Variants in SDK1 observed in about 807,000 individuals in gnomAD.
SDK1 encodes protein sidekick-1.
A neutral mutation model predicts 245.5 loss-of-function variants in SDK1; 157 were observed. That is an observed-to-expected ratio of 0.64 (90% CI 0.56 to 0.73). The LOEUF is 0.73. Ranked by LOEUF, SDK1 falls within the 30% of genes least tolerant of loss-of-function variation. The pLI is 0.00. For missense variants in SDK1, 3,583 were observed against 3,002.3 expected (o/e 1.19, Z -4.52); for synonymous variants, 1,647 against 1,278.5 (o/e 1.29, Z -6.15).
intron 40 of SDK1, among the ~76,000 whole-genome samples, chr7:4,225,017 A>AG (rs1785342687): frequency 8.1e-6 from 1 of 123,896 alleles, no homozygotes; most frequent in Non-Finnish European, 1.7e-5. Flanking sequence ...AAAAAAAAAA[A>AG]GACACCCGCA....
intron 1 of SDK1, among the ~76,000 whole-genome samples, chr7:3,357,723 T>C (rs980498007): frequency 2.0e-5 from 3 of 151,988 alleles, no homozygotes; most frequent in African/African-American, 7.3e-5. Context: ...CCTCCACTTT[T>C]CTCTTTTTCC....
chr7:4,044,151 C>T (rs1330034419), intron 17 of SDK1, among the ~76,000 whole-genome samples: 1 of 152,204 alleles, frequency 6.6e-6, no homozygotes, highest in Non-Finnish European at 1.5e-5. Flanking sequence ...CTGTGCCTCT[C>T]ATTCAGTTGG....
chr7:4,164,179 C>T (rs919735955), intron 32 of SDK1, among the ~76,000 whole-genome samples: 4 of 152,212 alleles, frequency 2.6e-5, no homozygotes, highest in Admixed American at 2.0e-4. Flanking sequence ...AGAGTGGGAA[C>T]CACGAAAACA....
intron 17 of SDK1, among the ~76,000 whole-genome samples, chr7:4,032,584 A>C (rs565783716): frequency 1.3e-5 from 2 of 151,644 alleles, no homozygotes; most frequent in Non-Finnish European, 2.9e-5. Context: ...ATAATATATG[A>C]TATCTGGAAA....
At chr7:3,756,922 C>T (rs1562420833) in intron 4 of SDK1, among the ~76,000 whole-genome samples, 1 of 152,156 alleles carries the variant, frequency 6.6e-6, no homozygotes, top group Non-Finnish European at 1.5e-5. Flanking sequence ...CGAACCTTGA[C>T]CCTTTGGTGA....
At position 4,178,568 on chromosome 7, in the gene SDK1, G is replaced by T; in HGVS notation, c.5080G>T (p.Val1694Phe). 6.2e-7 allele frequency: 1 copy of T among 1,611,928 alleles called. No individual in the cohort carries two copies. Reference sequence around the variant, plus strand: ...GAGCCCAGCCAGCGCGCCCGTGGAGGTCTTTGTCGGCGAGGCTGGTAAGCT... The same window carrying T: ...GAGCCCAGCCAGCGCGCCCGTGGAGTTCTTTGTCGGCGAGGCTGGTAAGCT... ...GESPASAPVE[V>F]FVGEAAPAMA... The change falls in exon 35 of 45, where the codon GTC becomes TTC. Residue 1694 changes from valine to phenylalanine, a missense_variant. Val to Phe is a conservative substitution (Grantham distance 50). Coordinates refer to ENST00000404826, the MANE Select transcript of SDK1 (RefSeq NM_152744.4).
At chr7:3,951,662 C>T in intron 6 of SDK1, 68 bp from the exon 7 acceptor site, 1 of 1,442,736 alleles carries the variant, frequency 6.9e-7, no homozygotes, top group South Asian at 1.2e-5. Flanking sequence ...TGCCGAGTGC[C>T]TGAGATGATG....
chr7:3,504,265 C>T (rs934445575), intron 1 of SDK1, among the ~76,000 whole-genome samples: 8 of 146,624 alleles, frequency 5.5e-5, no homozygotes, highest in South Asian at 4.4e-4. Flanking sequence ...CTGTTGTTGT[C>T]GTTGTTGTTG....
chr7:4,199,727 C>T (rs1015842819), intron 35 of SDK1, among the ~76,000 whole-genome samples: 3 of 152,164 alleles, frequency 2.0e-5, no homozygotes, highest in Non-Finnish European at 4.4e-5. Flanking sequence ...CACACCTGTG[C>T]TGCTCTCAGC....
chr7:4,145,604 C>G (rs779225382), intron 28 of SDK1, 118 bp from the exon 29 acceptor site: 14 of 900,282 alleles, frequency 1.6e-5, no homozygotes, highest in Non-Finnish European at 2.4e-5. Context: ...GCAGTGACCT[C>G]CAGAGACGGG....
chr7:3,393,398 A>C (rs1225526830), intron 1 of SDK1, among the ~76,000 whole-genome samples: 1 of 152,202 alleles, frequency 6.6e-6, no homozygotes, highest in African/African-American at 2.4e-5. Flanking sequence ...TATACTACTT[A>C]ACAGAAATGT....
chr7:4,180,702 G>A (rs563724496), intron 35 of SDK1, among the ~76,000 whole-genome samples: 17 of 152,306 alleles, frequency 1.1e-4, no homozygotes, highest in African/African-American at 3.1e-4. Context: ...CTTCTGGGGC[G>A]GCCTCAGGAA....
chr7:3,485,911 A>G lies in SDK1; in HGVS notation c.299-133169A>G, dbSNP rs993130167. Among the ~76,000 whole-genome samples, 3 of 151,804 alleles carry G rather than the reference A, an allele frequency of 2.0e-5. No individual in the cohort carries two copies. The East Asian group carries it at 5.8e-4, about 29-fold the overall frequency. ...GGACAGTTTATATAATATTGGTTTT[A>G]TCTATTTTTTGAAGATTTGAAAAAC... On this transcript the variant is annotated intron_variant, in intron 1 of 44. Coordinates refer to ENST00000404826, the MANE Select transcript of SDK1 (RefSeq NM_152744.4).
intron 5 of SDK1, among the ~76,000 whole-genome samples, chr7:3,920,505 T>G (rs542937623): frequency 6.6e-6 from 1 of 151,122 alleles, no homozygotes; most frequent in African/African-American, 2.4e-5. Context: ...ACTAGAGGAG[T>G]GAGGGTGATC....
intron 44 of SDK1, among the ~76,000 whole-genome samples, chr7:4,249,672 G>C (rs571841198): frequency 6.6e-6 from 1 of 152,284 alleles, no homozygotes; most frequent in South Asian, 2.1e-4. Context: ...TGGATAAAGC[G>C]TAGCCTCCCT....
In SDK1 at chr7:4,210,197, C is replaced by T. The variant is rs201501302; in HGVS notation, c.5539+35C>T. 21 of 1,496,692 alleles carry T rather than the reference C, an allele frequency of 1.4e-5. No homozygotes were observed. The East Asian group carries it at 4.1e-4, about 29-fold the overall frequency. 92.7% of individuals were successfully genotyped at this position (1,496,692 alleles called of 1,614,324 possible). On this transcript the variant is annotated intron_variant, in intron 38 of 44. Transcript: ENST00000404826. ...GGGGTTGGGGAGATGGGAGCGCGGG[C>T]CACACCAGTGCCCAGCCCTCTGCAG...
At chr7:4,104,350 T>C (rs1782769883) in intron 22 of SDK1, among the ~76,000 whole-genome samples, 1 of 152,210 alleles carries the variant, frequency 6.6e-6, no homozygotes. Context: ...CGTGAGCCAC[T>C]GAACCTGGCC....
intron 1 of SDK1, among the ~76,000 whole-genome samples, chr7:3,322,009 G>GTTT (rs75658453): frequency 1.4e-5 from 2 of 142,160 alleles, no homozygotes; most frequent in African/African-American, 2.6e-5. Flanking sequence ...TCTTTCTAAA[G>GTTT]TTTTTTTTTT....
chr7:3,460,560 T>C (rs943436060), intron 1 of SDK1, among the ~76,000 whole-genome samples: 1 of 152,240 alleles, frequency 6.6e-6, no homozygotes, highest in Non-Finnish European at 1.5e-5. Context: ...ATAATTTATT[T>C]ACACCAAAAT....
Sources: allele counts gnomAD v4.1 joint callset (sites outside exome capture counted in the v4.1 genomes callset), GRCh38; gene constraint gnomAD v4.1.1; transcripts MANE v1.5; gene names NCBI Gene and HGNC (gene_info 2026-07-23, HGNC 2026-07-21).